LGSN: variants seen among roughly 807,000 people sequenced by gnomAD.
The protein encoded by LGSN is lengsin.
In LGSN, 21 loss-of-function variants were observed where a neutral mutation model predicts 19.5. The ratio of observed to expected loss-of-function variants is 1.07; its 90% CI spans 0.76 to 1.55. The LOEUF (loss-of-function observed/expected upper bound fraction) is 1.55, where lower values mean the gene tolerates loss of function less well. Ranked by LOEUF, LGSN falls within the 40% of genes most tolerant of loss-of-function variation. The pLI is 0.00. For missense variants in LGSN, 673 were observed against 608.5 expected (o/e 1.11, Z -1.12); for synonymous variants, 257 against 215.6 (o/e 1.19, Z -1.68).
chr6:63,385,467 A>G, the LGSN span, among the ~76,000 whole-genome samples: 1 of 152,248 alleles, frequency 6.6e-6, no homozygotes, highest in Non-Finnish European at 1.5e-5. Context: ...ATTATAGCCA[A>G]AATCATCCTA....
At chr6:63,304,568 T>C (rs1273440317) in intron 1 of LGSN, among the ~76,000 whole-genome samples, 1 of 152,224 alleles carries the variant, frequency 6.6e-6, no homozygotes, top group Non-Finnish European at 1.5e-5. Context: ...AACAGGCTGC[T>C]TAATTAAAAC....
chr6:63,309,588 T>C (rs1768543683), intron 1 of LGSN, among the ~76,000 whole-genome samples: 1 of 152,220 alleles, frequency 6.6e-6, no homozygotes, highest in South Asian at 2.1e-4. Context: ...TTTAATTTTT[T>C]AAACTGACAG....
the LGSN span, among the ~76,000 whole-genome samples, chr6:63,458,267 A>C: frequency 3.9e-5 from 6 of 151,954 alleles, 2 homozygotes; most frequent in South Asian, 1.2e-3. Context: ...GGGTCTCTCC[A>C]TGTTAGTCAG....
At chr6:63,526,479 A>G in the LGSN span, among the ~76,000 whole-genome samples, 1 of 151,702 alleles carries the variant, frequency 6.6e-6, no homozygotes, top group African/African-American at 2.4e-5. Flanking sequence ...AAGACCACGT[A>G]TGATAAATCC....
chr6:63,492,510 T>C, the LGSN span, among the ~76,000 whole-genome samples: 1 of 152,240 alleles, frequency 6.6e-6, no homozygotes, highest in African/African-American at 2.4e-5. Flanking sequence ...GAATTAAACA[T>C]CAAGGCAGAG....
the LGSN span, among the ~76,000 whole-genome samples, chr6:63,372,760 C>T: frequency 1.3e-5 from 2 of 152,026 alleles, no homozygotes; most frequent in African/African-American, 2.4e-5. Flanking sequence ...AATTGTAAAA[C>T]ATGCCATAAT....
chr6:63,336,867 T>C, the LGSN span, among the ~76,000 whole-genome samples: 3 of 151,936 alleles, frequency 2.0e-5, no homozygotes, highest in African/African-American at 4.8e-5. Flanking sequence ...CCCAAAGTGC[T>C]GGGATTGCAG....
chr6:63,465,119 A>G, the LGSN span, among the ~76,000 whole-genome samples: 1 of 151,192 alleles, frequency 6.6e-6, no homozygotes, highest in Non-Finnish European at 1.5e-5. Flanking sequence ...ATCTATCTGT[A>G]TGGTGGAAAT....
the LGSN span, among the ~76,000 whole-genome samples, chr6:63,379,620 C>T: frequency 6.6e-6 from 1 of 152,180 alleles, no homozygotes; most frequent in South Asian, 2.1e-4. Context: ...TCCTCTTTAG[C>T]TCCTCTTGCT....
chr6:63,336,600 G>A, the LGSN span, among the ~76,000 whole-genome samples: 1 of 147,990 alleles, frequency 6.8e-6, no homozygotes, highest in African/African-American at 2.5e-5. Flanking sequence ...AAGTTCCTAT[G>A]TATAGATTAT....
At chr6:63,532,712 T>A in the LGSN span, among the ~76,000 whole-genome samples, 1 of 152,130 alleles carries the variant, frequency 6.6e-6, no homozygotes, top group Non-Finnish European at 1.5e-5. Flanking sequence ...ATTATAACTA[T>A]GAGAGTTAAA....
At chr6:63,525,145 A>G in the LGSN span, among the ~76,000 whole-genome samples, 1 of 152,202 alleles carries the variant, frequency 6.6e-6, no homozygotes, top group African/African-American at 2.4e-5. Flanking sequence ...GCCCCACTCT[A>G]CAACTACTGA....
intron 2 of LGSN, among the ~76,000 whole-genome samples, chr6:63,291,471 T>A (rs963289393): frequency 1.3e-5 from 2 of 152,070 alleles, no homozygotes; most frequent in Non-Finnish European, 2.9e-5. Flanking sequence ...AGTTCGGCTG[T>A]CCCGCGACGG....
the LGSN span, among the ~76,000 whole-genome samples, chr6:63,511,120 C>A: frequency 6.6e-6 from 1 of 152,154 alleles, no homozygotes; most frequent in Admixed American, 6.6e-5. Flanking sequence ...AACACAAGTG[C>A]CTGGTTCTAC....
At chr6:63,475,912 C>T in the LGSN span, among the ~76,000 whole-genome samples, 2 of 152,176 alleles carry the variant, frequency 1.3e-5, no homozygotes, top group Non-Finnish European at 2.9e-5. Context: ...AAATCAAAGG[C>T]AGCCCTTCAG....
the LGSN span, among the ~76,000 whole-genome samples, chr6:63,333,729 C>A: frequency 2.6e-5 from 4 of 151,968 alleles, no homozygotes; most frequent in Admixed American, 2.6e-4. Flanking sequence ...AAATCCTCAA[C>A]AAAATACTGG....
chr6:63,443,235 T>A, the LGSN span, among the ~76,000 whole-genome samples: 1 of 152,208 alleles, frequency 6.6e-6, no homozygotes, highest in South Asian at 2.1e-4. Flanking sequence ...CAGGCTGCTC[T>A]GAGTGCGGGG....
At chr6:63,521,632 GTC>G in the LGSN span, 3 of 152,150 alleles carry the variant, frequency 2.0e-5, no homozygotes, top group South Asian at 2.1e-4. Flanking sequence ...TTTAGAAACT[GTC>G]CCCTTGAACT....
At chr6:63,488,026 A>G in the LGSN span, among the ~76,000 whole-genome samples, 1 of 151,986 alleles carries the variant, frequency 6.6e-6, no homozygotes, top group African/African-American at 2.4e-5. Flanking sequence ...AATTTTATAA[A>G]CTCTTAACAC....
Sources: allele counts gnomAD v4.1 joint callset (sites outside exome capture counted in the v4.1 genomes callset), GRCh38; gene constraint gnomAD v4.1.1; transcripts MANE v1.5; gene names NCBI Gene and HGNC (gene_info 2026-07-23, HGNC 2026-07-21).